Variants in SEC24B observed in about 807,000 individuals in gnomAD.
SEC24B encodes the protein protein transport protein Sec24B.
In SEC24B, 45 loss-of-function variants were observed where a neutral mutation model predicts 142.8. The observed-to-expected ratio is 0.32, with a 90% CI of 0.25 to 0.40. The LOEUF (loss-of-function observed/expected upper bound fraction) is 0.40. Among genes scored for constraint, SEC24B ranks in the 10% least tolerant of loss-of-function variants. The pLI, the probability that SEC24B is intolerant of heterozygous loss-of-function variation, is 1.00. For missense variants in SEC24B, 1,409 were observed against 1,526.8 expected (o/e 0.92, Z 1.29); for synonymous variants, 574 against 568.2 (o/e 1.01, Z -0.15).
intron 6 of SEC24B, among the ~76,000 whole-genome samples, chr4:109,502,836 C>CA (rs1736289370): frequency 6.6e-6 from 1 of 152,152 alleles, no homozygotes; most frequent in East Asian, 1.9e-4. Flanking sequence ...TTTGTATAAG[C>CA]AAAAAATTTT....
chr4:109,440,937 C>G (rs910750730), intron 1 of SEC24B, among the ~76,000 whole-genome samples: 1 of 152,136 alleles, frequency 6.6e-6, no homozygotes, highest in African/African-American at 2.4e-5. Flanking sequence ...TCTTTATTTT[C>G]TTCTGCTTTC....
At chr4:109,533,378 G>C (rs987808697) in intron 21 of SEC24B, among the ~76,000 whole-genome samples, 1 of 152,070 alleles carries the variant, frequency 6.6e-6, no homozygotes, top group Non-Finnish European at 1.5e-5. Flanking sequence ...AAGTGCAAAA[G>C]GTAAAATATA....
At chr4:109,487,583 A>G (rs1039053098) in intron 4 of SEC24B, among the ~76,000 whole-genome samples, 3 of 152,384 alleles carry the variant, frequency 2.0e-5, no homozygotes, top group East Asian at 1.9e-4. Context: ...ATGTTAACAC[A>G]TAAGTTTTCA....
intron 3 of SEC24B, among the ~76,000 whole-genome samples, chr4:109,479,471 CAGGA>C (rs1239304555): frequency 3.9e-5 from 6 of 152,212 alleles, no homozygotes; most frequent in African/African-American, 1.4e-4. Context: ...AGAGGCACTT[CAGGA>C]AGCATTCACA....
intron 14 of SEC24B, among the ~76,000 whole-genome samples, chr4:109,523,982 T>TAAAATTA (rs948403867): frequency 3.9e-5 from 6 of 152,200 alleles, no homozygotes; most frequent in African/African-American, 1.4e-4. Flanking sequence ...AAGCTAATTT[T>TAAAATTA]AAAATAAGTA....
At chr4:109,511,006 A>G (rs1433119839) in intron 8 of SEC24B, among the ~76,000 whole-genome samples, 1 of 152,088 alleles carries the variant, frequency 6.6e-6, no homozygotes, top group Non-Finnish European at 1.5e-5. Flanking sequence ...AAAAAATTGT[A>G]ATATGTGATA....
At chr4:109,443,232 A>G (rs1401398754) in intron 1 of SEC24B, among the ~76,000 whole-genome samples, 1 of 152,202 alleles carries the variant, frequency 6.6e-6, no homozygotes, top group African/African-American at 2.4e-5. Flanking sequence ...CAAATCTGTC[A>G]GTCTTCCTGC....
intron 6 of SEC24B, among the ~76,000 whole-genome samples, chr4:109,495,107 T>C (rs1162290430): frequency 6.6e-6 from 1 of 152,210 alleles, no homozygotes; most frequent in Non-Finnish European, 1.5e-5. Flanking sequence ...GATTTTATTT[T>C]TCTTCATGAT....
At chr4:109,523,580 AAAT>A (rs747222097) in intron 14 of SEC24B, among the ~76,000 whole-genome samples, 2 of 152,222 alleles carry the variant, frequency 1.3e-5, no homozygotes, top group Non-Finnish European at 1.5e-5. Flanking sequence ...GCCCTATTTC[AAAT>A]AATAAATGAA....
intron 3 of SEC24B, among the ~76,000 whole-genome samples, chr4:109,474,206 T>C (rs988362704): frequency 2.6e-5 from 4 of 152,184 alleles, no homozygotes; most frequent in Non-Finnish European, 5.9e-5. Flanking sequence ...TACTGGAAAC[T>C]GAATTTAGTT....
At chr4:109,522,583 CT>C (rs751978031) in intron 14 of SEC24B, among the ~76,000 whole-genome samples, 6 of 152,174 alleles carry the variant, frequency 3.9e-5, no homozygotes, top group Non-Finnish European at 8.8e-5. Flanking sequence ...CTAAATGTAA[CT>C]ATTGTAATTC....
At chr4:109,501,949 AC>A (rs1736200241) in intron 6 of SEC24B, among the ~76,000 whole-genome samples, 1 of 152,224 alleles carries the variant, frequency 6.6e-6, no homozygotes, top group Non-Finnish European at 1.5e-5. Context: ...AAATAAGTAA[AC>A]AAATAAAGAA....
chr4:109,480,487 C>G (rs1279498808), intron 3 of SEC24B, among the ~76,000 whole-genome samples: 2 of 150,134 alleles, frequency 1.3e-5, no homozygotes, highest in African/African-American at 4.9e-5. Flanking sequence ...TTTTCCTTTT[C>G]TTTTTCTTTT....
intron 7 of SEC24B, among the ~76,000 whole-genome samples, chr4:109,509,537 C>T (rs1395735434): frequency 6.6e-6 from 1 of 151,928 alleles, no homozygotes; most frequent in African/African-American, 2.4e-5. Flanking sequence ...ATTAGCTGGG[C>T]ATGGTGGCAA....
At chr4:109,511,868 T>C in intron 8 of SEC24B, 89 bp from the exon 9 acceptor site, 1 of 1,300,522 alleles carries the variant, frequency 7.7e-7, no homozygotes, top group Non-Finnish European at 1.1e-6. Context: ...AATTAAGGTT[T>C]ATGTTCTGTA....
intron 10 of SEC24B, among the ~76,000 whole-genome samples, chr4:109,514,605 C>G (rs1008890292): frequency 6.6e-6 from 1 of 151,932 alleles, no homozygotes; most frequent in Admixed American, 6.6e-5. Flanking sequence ...AGGCTGAGGC[C>G]GAGAATTGCT....
rs373465494 is a variant in SEC24B at position 109,491,352 on chromosome 4, C to T, written c.1191C>T (p.Ser397=). The T allele has an allele frequency of 2.1e-5, 34 of 1,613,420 alleles. No individual in the cohort carries two copies. The East Asian group carries it at 2.5e-4, about 12-fold the overall frequency. ...GTGTTGACAGCTCTTCTACCACAAG[C>T]AGTGCTTCTCCAATGCCCAACAGTT... ...EAGVDSSSTT[S]SASPMPNSYD... is the part of the protein sequence containing the mutation. The change falls in exon 5 of 24, where the codon AGC becomes AGT. Residue 397 remains serine, a synonymous_variant. Transcript: ENST00000265175.
In SEC24B at chr4:109,533,625, CAAT is replaced by C. The variant is rs762865385; in HGVS notation, c.3531_3533del (p.Asn1178del). On this transcript the variant is annotated inframe_deletion, in exon 22 of 24. Coordinates refer to ENST00000265175, the MANE Select transcript of SEC24B (RefSeq NM_006323.5). ...ACATTTGGGTTGGGAAAGGCTGTGACAATAACTTCATAGAGGATGTGCTTGGAT... is the reference window on the plus strand; with the variant it reads ...ACATTTGGGTTGGGAAAGGCTGTGACAACTTCATAGAGGATGTGCTTGGAT... 6.2e-7 allele frequency: 1 copy of C among 1,611,178 alleles called. No homozygotes were observed. The highest frequency in any genetic ancestry group is 8.5e-7 in the Non-Finnish European group (1 of 1,178,928).
At chr4:109,498,886 T>TA (rs1034828437) in intron 6 of SEC24B, among the ~76,000 whole-genome samples, 1 of 140,638 alleles carries the variant, frequency 7.1e-6, no homozygotes, top group Non-Finnish European at 1.6e-5. Context: ...AAAAACACCT[T>TA]AAAATTTGTT....
Sources: allele counts gnomAD v4.1 joint callset (sites outside exome capture counted in the v4.1 genomes callset), GRCh38; gene constraint gnomAD v4.1.1; transcripts MANE v1.5; gene names NCBI Gene and HGNC (gene_info 2026-07-23, HGNC 2026-07-21).